Variants in MAP3K13 observed in about 807,000 individuals in gnomAD.
MAP3K13 encodes the protein mitogen-activated protein kinase kinase kinase 13.
MAP3K13 carries 52 observed loss-of-function variants against 104.0 expected under a neutral mutation model. That is an observed-to-expected ratio of 0.50 (90% CI 0.40 to 0.63). The LOEUF is 0.63. Among genes scored for constraint, MAP3K13 ranks in the 20% least tolerant of loss-of-function variants. MAP3K13 has a pLI of 0.00. For synonymous variants in MAP3K13, 394 were observed against 442.2 expected, an observed-to-expected ratio of 0.89 and a Z score of 1.37; for missense variants, 914 against 1,218.5, an observed-to-expected ratio of 0.75 and a Z score of 3.72.
At position 185,438,136 on chromosome 3, in the gene MAP3K13, A is replaced by T. The variant is rs1035764969; in HGVS notation, c.659+506A>T. ...AGTGGAACCCTGTCTGTAAAAAAAA[A>T]TTTTTTTTAATTAGCTGAATGTGGT... On this transcript the variant is annotated intron_variant, in intron 3 of 13. Coordinates refer to ENST00000265026, the MANE Select transcript of MAP3K13 (RefSeq NM_004721.5). Among the ~76,000 whole-genome samples, 13 of 151,760 alleles carry T rather than the reference A, an allele frequency of 8.6e-5. 1 individual carries two copies. Among genetic ancestry groups the T allele is most frequent in the African/African-American group, 1.9e-4 (8 of 41,234 alleles).
rs566476473 is a variant in MAP3K13, at chr3:185,487,764, C to T, written c.*5308C>T. On this transcript the variant is annotated 3_prime_UTR_variant, in exon 14 of 14. Coordinates refer to ENST00000265026, the MANE Select transcript of MAP3K13 (RefSeq NM_004721.5). ...TACCACTTACCACCATCTACCACCTCCAAGACCAAGACCAACATTATGTAT... is the reference window on the plus strand; with the variant it reads ...TACCACTTACCACCATCTACCACCTTCAAGACCAAGACCAACATTATGTAT... The T allele has an allele frequency of 6.6e-6, 1 of 152,374 alleles. No homozygotes were observed. Among genetic ancestry groups the T allele is most frequent in the Non-Finnish European group, 1.5e-5 (1 of 68,072 alleles). The allele number at this position is 152,374 out of a possible 1,614,324, so 9.4% of individuals were successfully genotyped here.
At chr3:185,369,268 G>A (rs1470867708) in intron 1 of MAP3K13, among the ~76,000 whole-genome samples, 1 of 152,182 alleles carries the variant, frequency 6.6e-6, no homozygotes, top group Non-Finnish European at 1.5e-5. Context: ...GCATTGTATT[G>A]TTTATGTGCG....
chr3:185,395,427 C>G (rs1285241668), intron 1 of MAP3K13, among the ~76,000 whole-genome samples: 2 of 69,316 alleles, frequency 2.9e-5, no homozygotes, highest in Non-Finnish European at 5.2e-5. Flanking sequence ...GGTGCGATCT[C>G]GGCTCACTGC....
At chr3:185,349,710 C>T (rs1723066439) in intron 2 of MAP3K13, among the ~76,000 whole-genome samples, 1 of 152,214 alleles carries the variant, frequency 6.6e-6, no homozygotes, top group African/African-American at 2.4e-5. Context: ...GTGTGTTTAT[C>T]ATCAGATCTC....
At chr3:185,468,173 T>G (rs977393217) in intron 10 of MAP3K13, among the ~76,000 whole-genome samples, 1 of 151,960 alleles carries the variant, frequency 6.6e-6, no homozygotes, top group African/African-American at 2.4e-5. Context: ...GAGATTTGGG[T>G]GGGGACGTAG....
intron 4 of MAP3K13, among the ~76,000 whole-genome samples, chr3:185,446,398 A>G (rs953968706): frequency 5.3e-5 from 8 of 151,968 alleles, no homozygotes; most frequent in Admixed American, 6.6e-5. Flanking sequence ...TGGGACTACA[A>G]GCGCCCGCCA....
chr3:185,376,212 C>T (rs182321539), intron 1 of MAP3K13, among the ~76,000 whole-genome samples: 11 of 152,090 alleles, frequency 7.2e-5, no homozygotes, highest in Non-Finnish European at 1.5e-4. Flanking sequence ...GAATGAAGTC[C>T]GGGCCAGGAA....
intron 1 of MAP3K13, among the ~76,000 whole-genome samples, chr3:185,380,143 G>A (rs572171012): frequency 8.6e-5 from 13 of 151,626 alleles, no homozygotes; most frequent in South Asian, 2.1e-4. Flanking sequence ...CTGAGGTTGC[G>A]CCATTGCCCT....
At chr3:185,454,856 C>CATGATATATATATGAGATATATAT (rs1219738837) in intron 7 of MAP3K13, among the ~76,000 whole-genome samples, 9 of 18,576 alleles carry the variant, frequency 4.8e-4, no homozygotes, top group African/African-American at 1.1e-3. Context: ...GAGATATATA[C>CATGATATATATATGAGATATATAT]ATGATATATA....
At position 185,454,218 on chromosome 3, in the gene MAP3K13, T is replaced by TATATATATGATACATATATATGAG. The variant is rs1300858515; in HGVS notation, c.1278+2843_1278+2866dup. ...ATATATATGATACATATATATGAGA[T>TATATATATGATACATATATATGAG]ATATATATGATACATATATATGAGA... On this transcript the variant is annotated intron_variant, in intron 7 of 13. Coordinates refer to ENST00000265026, the MANE Select transcript of MAP3K13 (RefSeq NM_004721.5). Among the ~76,000 whole-genome samples, 7 of 30,724 alleles carry TATATATATGATACATATATATGAG rather than the reference T, an allele frequency of 2.3e-4. 1 individual carries two copies. The highest frequency in any genetic ancestry group is 4.0e-4 in the African/African-American group (5 of 12,446). The allele number at this position is 30,724 out of a possible 152,430, so 20.2% of individuals were successfully genotyped here.
rs185597885 is a variant in MAP3K13, at chr3:185,290,833, G to A, written c.-86+5190G>A. 3.2e-4 allele frequency among the ~76,000 whole-genome samples: 48 copies of A among 152,204 alleles called. 1 individual carries two copies. Among genetic ancestry groups the A allele is most frequent in the Non-Finnish European group, 5.9e-5 (4 of 67,998 alleles). On this transcript the variant is annotated intron_variant, in intron 2 of 14. Transcript: ENST00000424227. ...TAGCTGCTATTATTATTAGTTTTTA[G>A]GCAGGTTTATACAAGCATATAAGAT...
At chr3:185,416,426 C>T (rs1169554697) in intron 1 of MAP3K13, among the ~76,000 whole-genome samples, 3 of 151,696 alleles carry the variant, frequency 2.0e-5, no homozygotes, top group Non-Finnish European at 4.4e-5. Flanking sequence ...ATCATCTACT[C>T]TATGAGGTGG....
intron 2 of MAP3K13, among the ~76,000 whole-genome samples, chr3:185,321,287 C>T (rs1241791226): frequency 1.3e-5 from 2 of 152,142 alleles, no homozygotes; most frequent in Non-Finnish European, 2.9e-5. Flanking sequence ...ACCATGCTCT[C>T]GTGTTTTACA....
chr3:185,474,344 A>C (rs1279402458), intron 11 of MAP3K13, among the ~76,000 whole-genome samples: 1 of 152,140 alleles, frequency 6.6e-6, no homozygotes, highest in Non-Finnish European at 1.5e-5. Context: ...AACAAACAAA[A>C]AAACTATATA....
At chr3:185,328,741 G>A (rs1371539170) in intron 2 of MAP3K13, 1 of 153,198 alleles carries the variant, frequency 6.5e-6, no homozygotes, top group African/African-American at 2.4e-5. Flanking sequence ...CATTTAAGTC[G>A]ACCTTTGAGA....
At position 185,418,092 on chromosome 3, in the gene MAP3K13, C is replaced by G; in HGVS notation, c.-85-10405C>G. 6.2e-7 allele frequency: 1 copy of G among 1,611,704 alleles called. No homozygotes were observed. The highest frequency in any genetic ancestry group is 8.5e-7 in the Non-Finnish European group (1 of 1,179,516). On this transcript the variant is annotated intron_variant, in intron 1 of 13. Coordinates refer to ENST00000265026, the MANE Select transcript of MAP3K13 (RefSeq NM_004721.5). This position sits in a 1 kb window ranked among gnomAD's most constrained non-coding sequence, Gnocchi z 4.5. ...AAATGTTCAGCTTGCTTACATTAAG[C>G]AGAGTAATTCCAGGGATGTTTCTGA...
chr3:185,438,000 A>G (rs554409258), intron 3 of MAP3K13, among the ~76,000 whole-genome samples: 1 of 152,266 alleles, frequency 6.6e-6, no homozygotes, highest in African/African-American at 2.4e-5. Flanking sequence ...TTCACTTAAC[A>G]AAACAAAGTT....
chr3:185,310,838 T>TC (rs1322911293), intron 2 of MAP3K13, among the ~76,000 whole-genome samples: 3 of 152,266 alleles, frequency 2.0e-5, no homozygotes, highest in Non-Finnish European at 2.9e-5. Flanking sequence ...CACTATGCTA[T>TC]CATTGCCATT....
At chr3:185,348,012 C>CAAA (rs61028328) in intron 2 of MAP3K13, among the ~76,000 whole-genome samples, 27 of 88,956 alleles carry the variant, frequency 3.0e-4, no homozygotes, top group African/African-American at 7.8e-4. Flanking sequence ...AACTCCGTCT[C>CAAA]AAAAAAAAAA....
Sources: gnomAD v4.1 joint callset for allele counts (sites outside exome capture counted in the v4.1 genomes callset) on GRCh38, gnomAD v4.1.1 for gene constraint, Gnocchi (gnomAD v3.1) non-coding constraint, MANE v1.5 for transcripts, NCBI Gene and HGNC (gene_info 2026-07-23, HGNC 2026-07-21) for gene names.